Variants in DLC1 observed in about 807,000 individuals in gnomAD.
DLC1 encodes the protein rho GTPase-activating protein 7.
DLC1 carries 54 observed loss-of-function variants against 140.3 expected under a neutral mutation model. That is an observed-to-expected ratio of 0.38 (90% CI 0.31 to 0.48). The LOEUF is 0.48. DLC1 is among the 20% of genes least tolerant of loss of function. The pLI, the probability that DLC1 is intolerant of heterozygous loss-of-function variation, is 0.96. For missense variants in DLC1, 2,536 were observed against 1,907.0 expected (o/e 1.33, Z -6.14); for synonymous variants, 986 against 728.1 (o/e 1.35, Z -5.70).
intron 5 of DLC1, among the ~76,000 whole-genome samples, chr8:13,123,127 C>G (rs537134872): frequency 5.8e-4 from 89 of 152,254 alleles, no homozygotes; most frequent in African/African-American, 2.0e-3. Flanking sequence ...AACTGGTTTC[C>G]TAAGGGCTAT....
At chr8:13,585,235 C>T (rs1001960127) in intron 1 of DLC1, among the ~76,000 whole-genome samples, 4 of 152,086 alleles carry the variant, frequency 2.6e-5, no homozygotes, top group African/African-American at 7.2e-5. Flanking sequence ...GACCCCTGAG[C>T]AAAGTCTTCA....
chr8:13,590,086 T>G (rs78028071), intron 1 of DLC1, among the ~76,000 whole-genome samples: 5 of 151,578 alleles, frequency 3.3e-5, no homozygotes, highest in Non-Finnish European at 7.4e-5. Flanking sequence ...TACAAACACA[T>G]GCTTTTATTT....
At chr8:13,103,839 CAA>C (rs1002564334) in intron 7 of DLC1, among the ~76,000 whole-genome samples, 2 of 60,802 alleles carry the variant, frequency 3.3e-5, no homozygotes, top group Non-Finnish European at 7.2e-5. Context: ...GACTCCATCT[CAA>C]AAAAAAAAAA....
In DLC1 at chr8:13,193,273, C is replaced by T. The variant is rs1219772064; in HGVS notation, c.1349-77616G>A. On this transcript the variant is annotated intron_variant, in intron 5 of 17. Coordinates refer to ENST00000276297, the MANE Select transcript of DLC1 (RefSeq NM_182643.3). ...CCATAACTTTTCTTCCTTATCAGGTCAGTGTTTTGAAGCCTATCAGGGACA... is the reference window on the plus strand; with the variant it reads ...CCATAACTTTTCTTCCTTATCAGGTTAGTGTTTTGAAGCCTATCAGGGACA... Among the ~76,000 whole-genome samples the T allele has an allele frequency of 3.9e-5, 6 of 152,184 alleles. No homozygotes were observed. The East Asian group carries it at 1.2e-3, about 29-fold the overall frequency.
chr8:13,119,622 G>T lies in DLC1; in HGVS notation c.1349-3965C>A, dbSNP rs1292168007. Among the ~76,000 whole-genome samples the T allele has an allele frequency of 3.3e-5, 5 of 152,178 alleles. No homozygotes were observed. The East Asian group carries it at 7.7e-4, about 24-fold the overall frequency. The stretch of plus-strand genomic sequence containing the variant: ...AATATCTCTGAGATAAACACATGAG[G>T]AAACAGATAGAGAAGTAACCACCTC... On this transcript the variant is annotated intron_variant, in intron 5 of 17. Coordinates refer to ENST00000276297, the MANE Select transcript of DLC1 (RefSeq NM_182643.3).
chr8:13,266,115 C>G (rs978100654), intron 5 of DLC1, among the ~76,000 whole-genome samples: 1 of 151,712 alleles, frequency 6.6e-6, no homozygotes, highest in South Asian at 2.1e-4. Flanking sequence ...CTTTCTTTAG[C>G]AAACAAAAAA....
At chr8:13,179,395 A>G (rs1825920359) in intron 5 of DLC1, among the ~76,000 whole-genome samples, 1 of 152,124 alleles carries the variant, frequency 6.6e-6, no homozygotes, top group Admixed American at 6.6e-5. Context: ...CGGGCTGTAC[A>G]CTTACACATG....
chr8:13,289,440 C>T (rs1235654561), intron 5 of DLC1, among the ~76,000 whole-genome samples: 2 of 152,152 alleles, frequency 1.3e-5, no homozygotes, highest in South Asian at 2.1e-4. Flanking sequence ...GATCCTCCTA[C>T]CTCAGCCACC....
chr8:13,083,645 T>C lies in DLC1; in HGVS notation c.*2166A>G, dbSNP rs1483115509. 1.3e-5 allele frequency: 2 copies of C among 152,678 alleles called. No individual in the cohort carries two copies. Among genetic ancestry groups the C allele is most frequent in the Non-Finnish European group, 2.9e-5 (2 of 68,050 alleles). The allele number at this position is 152,678 out of a possible 1,614,324, so 9.5% of individuals were successfully genotyped here. A position where few individuals can be genotyped will look rare whatever the true frequency, so the allele number is the denominator to read the frequency against. On this transcript the variant is annotated 3_prime_UTR_variant, in exon 18 of 18. Coordinates refer to ENST00000276297, the MANE Select transcript of DLC1 (RefSeq NM_182643.3). ...CCCTGACTCTGCTTGCAAGCATCTT[T>C]CTGCTGTTGCACGTTGTCGTCATCC...
chr8:13,100,167 T>C lies in DLC1; in HGVS notation c.2170A>G (p.Ile724Val). Reference protein sequence around the residue: ...VEISALNGNRINVPMVRKRSV... With the variant: ...VEISALNGNRVNVPMVRKRSV... ...CTCTTTCGTACCATGGGGACGTTGATGCGGTTGCCATTGAGGGCGGAGATC... is the reference window on the plus strand; with the variant it reads ...CTCTTTCGTACCATGGGGACGTTGACGCGGTTGCCATTGAGGGCGGAGATC... Residue 724 changes from isoleucine to valine, a missense_variant, in exon 9 of 18, where the codon ATC becomes GTC. By Grantham distance (29) the Ile-to-Val change is conservative. Transcript: ENST00000276297. 1 of 1,614,160 alleles carries C rather than the reference T, an allele frequency of 6.2e-7. No individual in the cohort carries two copies. Among genetic ancestry groups the C allele is most frequent in the African/African-American group, 1.3e-5 (1 of 75,048 alleles).
At chr8:13,370,843 C>A (rs1388593159) in intron 4 of DLC1, among the ~76,000 whole-genome samples, 1 of 152,144 alleles carries the variant, frequency 6.6e-6, no homozygotes, top group Admixed American at 6.5e-5. Context: ...TGTTCAAACC[C>A]TCATTGGACT....
At chr8:13,529,720 CT>C (rs1416518107) in intron 1 of DLC1, among the ~76,000 whole-genome samples, 11 of 152,148 alleles carry the variant, frequency 7.2e-5, no homozygotes, top group Admixed American at 6.5e-5. Flanking sequence ...AGCACCTATC[CT>C]TCCAGAAAGA....
intron 5 of DLC1, among the ~76,000 whole-genome samples, chr8:13,256,590 G>A (rs908104322): frequency 1.3e-5 from 2 of 152,050 alleles, no homozygotes; most frequent in Admixed American, 6.5e-5. Flanking sequence ...GAATGAAGCT[G>A]GAAACCATCA....
chr8:13,176,978 C>G (rs1417599948), intron 5 of DLC1, among the ~76,000 whole-genome samples: 1 of 152,172 alleles, frequency 6.6e-6, no homozygotes, highest in Non-Finnish European at 1.5e-5. Context: ...AGACAGTTCT[C>G]TCCTAGAGCC....
chr8:13,572,132 C>G (rs1465197666), intron 1 of DLC1, among the ~76,000 whole-genome samples: 2 of 150,564 alleles, frequency 1.3e-5, no homozygotes, highest in African/African-American at 4.9e-5. Flanking sequence ...CTCTGTCACC[C>G]AGGCTGGAAT....
chr8:13,090,552 G>C, intron 14 of DLC1, 82 bp from the exon 15 acceptor site: 1 of 1,506,462 alleles, frequency 6.6e-7, no homozygotes, highest in South Asian at 1.3e-5. Context: ...AGACTGGGTA[G>C]GAACAATGGC....
intron 3 of DLC1, among the ~76,000 whole-genome samples, chr8:13,401,023 G>A (rs111994330): frequency 6.6e-6 from 1 of 152,262 alleles, no homozygotes; most frequent in East Asian, 1.9e-4. Context: ...TTCTTGTAGT[G>A]TGTTGGGTTA....
At chr8:13,579,362 T>TA (rs1491321757) in intron 1 of DLC1, among the ~76,000 whole-genome samples, 8 of 26,930 alleles carry the variant, frequency 3.0e-4, no homozygotes, top group African/African-American at 1.6e-3. Flanking sequence ...TATATATATA[T>TA]TTTTATATAA....
At chr8:13,604,058 C>T (rs541094383) in intron 1 of DLC1, among the ~76,000 whole-genome samples, 2 of 152,034 alleles carry the variant, frequency 1.3e-5, no homozygotes, top group Non-Finnish European at 2.9e-5. Flanking sequence ...TGTAAACATA[C>T]ATAAAATTAT....
Sources: gnomAD v4.1 joint callset for allele counts (sites outside exome capture counted in the v4.1 genomes callset) on GRCh38, gnomAD v4.1.1 for gene constraint, MANE v1.5 for transcripts, NCBI Gene and HGNC (gene_info 2026-07-23, HGNC 2026-07-21) for gene names.